Variants in C4BPA observed in about 807,000 individuals in gnomAD.
The protein encoded by C4BPA is complement component 4 binding protein alpha.
C4BPA carries 31 observed loss-of-function variants against 63.7 expected under a neutral mutation model. That is an observed-to-expected ratio of 0.49 (90% CI 0.37 to 0.66). The LOEUF (loss-of-function observed/expected upper bound fraction) is 0.66, where lower values mean the gene tolerates loss of function less well. C4BPA is among the 30% of genes least tolerant of loss of function. The pLI is 0.00. For synonymous variants in C4BPA, 259 were observed against 254.7 expected (o/e 1.02, Z -0.16); for missense variants, 572 against 723.3 (o/e 0.79, Z 2.40).
At chr1:207,127,086 T>TC in intron 7 of C4BPA, 191 bp downstream of exon 7, 3 of 456,718 alleles carry the variant, frequency 6.6e-6, no homozygotes, top group South Asian at 4.8e-5. Context: ...AGGTCATATA[T>TC]TGTCACACAA....
intron 4 of C4BPA, among the ~76,000 whole-genome samples, chr1:207,117,179 G>A (rs1189900159): frequency 6.6e-6 from 1 of 152,214 alleles, no homozygotes; most frequent in Non-Finnish European, 1.5e-5. Flanking sequence ...GTGAAGTGCA[G>A]TGGCTCACAC....
At chr1:207,116,445 C>T (rs1684788567) in intron 4 of C4BPA, among the ~76,000 whole-genome samples, 2 of 150,068 alleles carry the variant, frequency 1.3e-5, no homozygotes, top group African/African-American at 4.9e-5. Context: ...TGAGTCTGTG[C>T]ATTGCAGGAT....
At chr1:207,132,535 T>A (rs1685183986) in intron 8 of C4BPA, among the ~76,000 whole-genome samples, 1 of 152,206 alleles carries the variant, frequency 6.6e-6, no homozygotes, top group Admixed American at 6.5e-5. Flanking sequence ...GTAGTTTAGA[T>A]CAACCTGTCA....
rs200987273 is a variant in C4BPA, at chr1:207,141,183, A to G, written c.1351A>G (p.Ile451Val). 1.2e-6 allele frequency: 2 copies of G among 1,613,578 alleles called. No homozygotes were observed. Among genetic ancestry groups the G allele is most frequent in the African/African-American group, 1.3e-5 (1 of 75,018 alleles). Residue 451 changes from isoleucine to valine, a missense_variant, in exon 10 of 12, where the codon ATA (isoleucine) becomes GTA (valine). Physicochemically the swap from Ile to Val is conservative, Grantham distance 29 (BLOSUM62 3). This residue lies in a region of C4BPA where 465 missense variants were observed against 629.4 expected (regional missense o/e 0.74). Coordinates refer to ENST00000367070, the MANE Select transcript of C4BPA (RefSeq NM_000715.4). ...SSYSFFKEEI[I>V]YECDKGYILV... ...ATACAGCTTTTTCAAAGAAGAGATTATATATGAATGTGATAAAGGCTACAT... is the reference window on the plus strand; with the variant it reads ...ATACAGCTTTTTCAAAGAAGAGATTGTATATGAATGTGATAAAGGCTACAT...
intron 8 of C4BPA, among the ~76,000 whole-genome samples, chr1:207,132,124 GT>G (rs1685173193): frequency 6.6e-6 from 1 of 152,166 alleles, no homozygotes; most frequent in Admixed American, 6.5e-5. Context: ...AGACAAGTTT[GT>G]GAAACAGTCA....
chr1:207,132,051 T>C (rs1269647906), intron 8 of C4BPA, among the ~76,000 whole-genome samples: 1 of 152,196 alleles, frequency 6.6e-6, no homozygotes, highest in Admixed American at 6.5e-5. Flanking sequence ...TCAACTATTG[T>C]CAGAGTCAGG....
chr1:207,112,350 G>GTTTTTTTTTTTTTTTTTTTTT (rs61668698), intron 1 of C4BPA, among the ~76,000 whole-genome samples: 1 of 114,164 alleles, frequency 8.8e-6, no homozygotes, highest in Non-Finnish European at 1.9e-5. Context: ...CTGCCTTTTT[G>GTTTTTTTTTTTTTTTTTTTTT]TTTTTTTTTT....
intron 4 of C4BPA, among the ~76,000 whole-genome samples, chr1:207,122,342 T>C (rs889701170): frequency 7.9e-5 from 12 of 152,202 alleles, no homozygotes; most frequent in African/African-American, 2.4e-4. Flanking sequence ...GGATGTCTTA[T>C]AGGTACTGCT....
intron 10 of C4BPA, among the ~76,000 whole-genome samples, chr1:207,141,966 A>C (rs1403336362): frequency 6.6e-6 from 1 of 152,170 alleles, no homozygotes; most frequent in Non-Finnish European, 1.5e-5. Context: ...CATGTACAGA[A>C]CATGCAGTTT....
intron 1 of C4BPA, among the ~76,000 whole-genome samples, chr1:207,108,953 C>G (rs1050647196): frequency 6.6e-6 from 1 of 152,000 alleles, no homozygotes; most frequent in African/African-American, 2.4e-5. Flanking sequence ...GAACTCCTGA[C>G]CTCGTGATCT....
chr1:207,126,298 T>C (rs1450882575), intron 6 of C4BPA, among the ~76,000 whole-genome samples: 2 of 147,932 alleles, frequency 1.4e-5, no homozygotes, highest in Non-Finnish European at 3.0e-5. Flanking sequence ...ATATATAATA[T>C]ATAATACTAT....
intron 1 of C4BPA, among the ~76,000 whole-genome samples, 166 bp downstream of exon 1, chr1:207,104,596 G>A (rs763621323): frequency 1.2e-4 from 18 of 152,234 alleles, no homozygotes; most frequent in Non-Finnish European, 1.6e-4. Flanking sequence ...GACTTGAGAC[G>A]TACTTTAAAC....
At position 207,123,634 on chromosome 1, in the gene C4BPA, G is replaced by A. The variant is rs141556259; in HGVS notation, c.429-288G>A. On this transcript the variant is annotated intron_variant, in intron 4 of 11. Coordinates refer to ENST00000367070, the MANE Select transcript of C4BPA (RefSeq NM_000715.4). ...TCACCCAGAGACAACCACAGAACAC[G>A]CTGAAGCCAGCCTTTTATTGTTGTG... 6.9e-4 allele frequency among the ~76,000 whole-genome samples: 105 copies of A among 152,252 alleles called. 2 individuals are homozygous for A. Among genetic ancestry groups the A allele is most frequent in the Middle Eastern group, 3.4e-3 (1 of 294 alleles).
In C4BPA at chr1:207,144,743, G is replaced by A. The variant is rs760036065; in HGVS notation, c.*26G>A. 72 of 1,550,356 alleles carry A rather than the reference G, an allele frequency of 4.6e-5. No homozygotes were observed. Among genetic ancestry groups the A allele is most frequent in the Non-Finnish European group, 6.1e-5 (70 of 1,140,528 alleles). On this transcript the variant is annotated 3_prime_UTR_variant, in exon 12 of 12. Transcript: ENST00000367070. ...TTTTTCTCAAAAGAAGGAGGAAAAG[G>A]TGTCTTGCTGGCTTGCCTCTTGCAA...
chr1:207,109,392 G>A (rs1015903818), intron 1 of C4BPA, among the ~76,000 whole-genome samples: 1 of 152,174 alleles, frequency 6.6e-6, no homozygotes, highest in African/African-American at 2.4e-5. Flanking sequence ...TCTTTTGAAT[G>A]TTTACTATGT....
intron 7 of C4BPA, among the ~76,000 whole-genome samples, chr1:207,131,264 C>T (rs1429038979): frequency 2.0e-5 from 3 of 152,178 alleles, no homozygotes; most frequent in Non-Finnish European, 4.4e-5. Context: ...AAACTAAAAT[C>T]TCTGAAATGT....
At chr1:207,138,865 C>T (rs952832305) in intron 9 of C4BPA, among the ~76,000 whole-genome samples, 1 of 152,156 alleles carries the variant, frequency 6.6e-6, no homozygotes, top group Non-Finnish European at 1.5e-5. Flanking sequence ...TTCCCTGAAC[C>T]TTGGACCTCT....
At chr1:207,121,596 T>C (rs1048154633) in intron 4 of C4BPA, among the ~76,000 whole-genome samples, 7 of 152,112 alleles carry the variant, frequency 4.6e-5, no homozygotes, top group African/African-American at 7.2e-5. Context: ...CATTTATTGA[T>C]GTGAGTGATA....
rs540529290 is a variant in C4BPA, at chr1:207,107,220, G to A, written c.-26+2790G>A. On this transcript the variant is annotated intron_variant, in intron 1 of 11. Transcript: ENST00000367070. ...TGGAGGTAAGAGCATTAATGCATGGGAGACATTAACTGCAAATGCTTGCAG... is the reference window on the plus strand; with the variant it reads ...TGGAGGTAAGAGCATTAATGCATGGAAGACATTAACTGCAAATGCTTGCAG... Among the ~76,000 whole-genome samples, 27 of 152,286 alleles carry A rather than the reference G, an allele frequency of 1.8e-4. No homozygotes were observed. In the South Asian group the frequency reaches 2.5e-3, roughly 14 times the overall value.
Sources: allele counts gnomAD v4.1 joint callset (sites outside exome capture counted in the v4.1 genomes callset), GRCh38; gene constraint gnomAD v4.1.1; regional missense constraint gnomAD v4.1.1; transcripts MANE v1.5; gene names NCBI Gene and HGNC (gene_info 2026-07-23, HGNC 2026-07-21).